BMAL1: variants seen among roughly 807,000 people sequenced by gnomAD.
BMAL1 encodes basic helix-loop-helix ARNT like 1, also known as basic helix-loop-helix ARNT-like protein 1.
At chr11:13,353,334 G>T in the BMAL1 span, 1 of 155,832 alleles carries the variant, frequency 6.4e-6, no homozygotes. Context: ...CCCTCCCAAA[G>T]CTGTATGCTC....
chr11:13,363,033 G>A, the BMAL1 span, among the ~76,000 whole-genome samples: 1 of 150,908 alleles, frequency 6.6e-6, no homozygotes, highest in Non-Finnish European at 1.5e-5. Context: ...CTTACTAGAG[G>A]CTTGGCATTG....
the BMAL1 span, chr11:13,386,687 G>A: frequency 6.2e-7 from 1 of 1,614,180 alleles, no homozygotes; most frequent in Non-Finnish European, 8.5e-7. Context: ...CTGTCATCAT[G>A]AGCCTCTTGG....
chr11:13,371,201 TTGG>T, the BMAL1 span, among the ~76,000 whole-genome samples: 4 of 152,332 alleles, frequency 2.6e-5, no homozygotes, highest in East Asian at 7.7e-4. Flanking sequence ...GGTTTGCTTG[TTGG>T]TGAAGTCTAT....
the BMAL1 span, among the ~76,000 whole-genome samples, chr11:13,377,774 T>TCCC: frequency 2.0e-5 from 3 of 152,360 alleles, no homozygotes; most frequent in African/African-American, 7.2e-5. Flanking sequence ...TGGAGGAGTC[T>TCCC]CCCAAGTTTT....
the BMAL1 span, among the ~76,000 whole-genome samples, chr11:13,329,058 T>TA: frequency 6.6e-6 from 1 of 152,202 alleles, no homozygotes; most frequent in African/African-American, 2.4e-5. Context: ...TTCTAGTTGA[T>TA]ATGGAACCAG....
chr11:13,319,180 A>G, the BMAL1 span, among the ~76,000 whole-genome samples: 3 of 152,250 alleles, frequency 2.0e-5, no homozygotes, highest in East Asian at 1.9e-4. Context: ...GTACAGATAA[A>G]TGTACTTGTT....
At chr11:13,359,486 A>G in the BMAL1 span, among the ~76,000 whole-genome samples, 2 of 152,220 alleles carry the variant, frequency 1.3e-5, no homozygotes, top group African/African-American at 4.8e-5. Flanking sequence ...CAAAGATAAC[A>G]TGGGTTAAAT....
At chr11:13,323,574 A>G in the BMAL1 span, among the ~76,000 whole-genome samples, 1 of 152,194 alleles carries the variant, frequency 6.6e-6, no homozygotes. Flanking sequence ...TGTTCTTCAC[A>G]TCATCTGTTT....
At chr11:13,362,708 A>G in the BMAL1 span, among the ~76,000 whole-genome samples, 1 of 152,224 alleles carries the variant, frequency 6.6e-6, no homozygotes, top group African/African-American at 2.4e-5. Flanking sequence ...CCGTGTTCTC[A>G]GAGAGGATTT....
the BMAL1 span, among the ~76,000 whole-genome samples, chr11:13,329,484 T>C: frequency 1.3e-5 from 2 of 152,174 alleles, no homozygotes; most frequent in Admixed American, 6.5e-5. Flanking sequence ...ACTCACCCAG[T>C]TGGGCTGACA....
the BMAL1 span, among the ~76,000 whole-genome samples, chr11:13,293,703 C>T: frequency 3.3e-5 from 5 of 152,228 alleles, no homozygotes; most frequent in South Asian, 2.1e-4. Context: ...CATGGGCAGA[C>T]GCCTGCAGCT....
the BMAL1 span, among the ~76,000 whole-genome samples, chr11:13,332,119 A>G: frequency 3.9e-5 from 6 of 152,298 alleles, no homozygotes; most frequent in East Asian, 3.9e-4. Flanking sequence ...ACCACCTACT[A>G]CAGAGAAGGT....
the BMAL1 span, among the ~76,000 whole-genome samples, chr11:13,330,382 T>C: frequency 6.6e-6 from 1 of 152,228 alleles, no homozygotes; most frequent in African/African-American, 2.4e-5. Flanking sequence ...GAAAAGCCAC[T>C]AAAATCTCGA....
At chr11:13,354,285 C>G in the BMAL1 span, 2 of 1,523,018 alleles carry the variant, frequency 1.3e-6, no homozygotes, top group Non-Finnish European at 1.8e-6. Context: ...CTTTGTGCCT[C>G]TTGTAACAAT....
At chr11:13,320,774 G>A in the BMAL1 span, among the ~76,000 whole-genome samples, 4 of 152,300 alleles carry the variant, frequency 2.6e-5, no homozygotes, top group East Asian at 7.7e-4. Context: ...GATGAATCAT[G>A]AACAATGTGT....
the BMAL1 span, among the ~76,000 whole-genome samples, chr11:13,336,650 G>C: frequency 6.6e-6 from 1 of 152,208 alleles, no homozygotes; most frequent in Non-Finnish European, 1.5e-5. Context: ...ACCGTCACTA[G>C]GGAATATGCT....
the BMAL1 span, chr11:13,355,412 T>G: frequency 9.8e-7 from 1 of 1,023,086 alleles, no homozygotes; most frequent in South Asian, 1.3e-5. Context: ...CTGCGAGATG[T>G]TGGCCACAAA....
the BMAL1 span, among the ~76,000 whole-genome samples, chr11:13,293,252 G>T: frequency 6.6e-6 from 1 of 152,238 alleles, no homozygotes; most frequent in Non-Finnish European, 1.5e-5. Flanking sequence ...ACATTAGGTT[G>T]TCAGTAAAAG....
the BMAL1 span, among the ~76,000 whole-genome samples, chr11:13,367,725 AAAG>A: frequency 6.6e-6 from 1 of 151,526 alleles, no homozygotes; most frequent in Admixed American, 6.6e-5. Context: ...AAAAAAAAAA[AAAG>A]AATGAGAACA....
Sources: allele counts gnomAD v4.1 joint callset (sites outside exome capture counted in the v4.1 genomes callset), GRCh38; gene constraint gnomAD v4.1.1; transcripts MANE v1.5; gene names NCBI Gene and HGNC (gene_info 2026-07-23, HGNC 2026-07-21).